UBXN2A: variants seen among roughly 807,000 people sequenced by gnomAD.
UBXN2A encodes the protein UBX domain protein 2A.
Under a neutral mutation model 28.4 loss-of-function variants are expected in UBXN2A, and 28 were observed. The ratio of observed to expected loss-of-function variants is 0.99; its 90% confidence interval spans 0.73 to 1.35. The LOEUF is 1.35. UBXN2A is among the 40% of genes most tolerant of loss of function. The pLI, the probability that UBXN2A is intolerant of heterozygous loss-of-function variation, is 0.00. For synonymous variants in UBXN2A, 97 were observed against 103.6 expected, an observed-to-expected ratio of 0.94 and a Z score of 0.39; for missense variants, 253 against 297.9, an observed-to-expected ratio of 0.85 and a Z score of 1.11.
intron 1 of UBXN2A, among the ~76,000 whole-genome samples, chr2:23,953,068 A>G (rs1176150655): frequency 1.3e-5 from 2 of 151,930 alleles, no homozygotes; most frequent in Admixed American, 1.3e-4. Flanking sequence ...ACAGCTTCAA[A>G]TTTATGATTT....
In UBXN2A at chr2:23,981,301, T is replaced by C. The variant is rs546122078; in HGVS notation, c.288-1595T>C. 3.6e-3 allele frequency among the ~76,000 whole-genome samples: 223 copies of C among 62,642 alleles called. 1 individual carries two copies. The highest frequency in any genetic ancestry group is 3.9e-3 in the Non-Finnish European group (122 of 31,202). The allele number at this position is 62,642 out of a possible 152,430, so 41.1% of individuals were successfully genotyped here. A position where few individuals can be genotyped will look rare whatever the true frequency, so the allele number is the denominator to read the frequency against. ...GGCCAACATAGCGAGAACCTGTCTC[T>C]ACAAAAAAAAAAAAAAAAAAACCTA... On this transcript the variant is annotated intron_variant, in intron 4 of 6. Transcript: ENST00000309033.
upstream of UBXN2A, chr2:23,940,364 C>G (rs1705682987): frequency 6.6e-6 from 1 of 151,616 alleles, no homozygotes; most frequent in African/African-American, 2.4e-5. Flanking sequence ...GCCGTTCCCG[C>G]CGGGACTTGA....
chr2:23,936,295 G>A (rs992949642), upstream of UBXN2A, among the ~76,000 whole-genome samples: 1 of 152,078 alleles, frequency 6.6e-6, no homozygotes, highest in Non-Finnish European at 1.5e-5. Flanking sequence ...ACTGACACAT[G>A]CTATAACATG....
chr2:23,958,403 C>G (rs375500818), intron 2 of UBXN2A, 48 bp downstream of exon 2: 3 of 1,519,266 alleles, frequency 2.0e-6, no homozygotes, highest in African/African-American at 2.8e-5. Flanking sequence ...TTGTTAATAT[C>G]GTCCTGTATT....
intron 1 of UBXN2A, among the ~76,000 whole-genome samples, chr2:23,941,561 A>C (rs770463116): frequency 6.6e-6 from 1 of 152,206 alleles, no homozygotes; most frequent in Non-Finnish European, 1.5e-5. Flanking sequence ...ATGGAAGCTC[A>C]CACTTACTGA....
At chr2:23,940,731 C>T (rs1705711067) in intron 1 of UBXN2A, 83 bp downstream of exon 1, 1 of 151,926 alleles carries the variant, frequency 6.6e-6, no homozygotes, top group African/African-American at 2.4e-5. Context: ...CGAGGGGTCG[C>T]GGCCTGTGGC....
In UBXN2A at chr2:23,933,187, A is replaced by T. The variant is rs546392283; in HGVS notation, c.-138+5572A>T. Among the ~76,000 whole-genome samples, 19 of 151,692 alleles carry T rather than the reference A, an allele frequency of 1.3e-4. No homozygotes were observed. The South Asian group carries it at 3.1e-3, about 25-fold the overall frequency. On this transcript the variant is annotated intron_variant, in intron 1 of 7. Transcript: ENST00000404924. ...AGCAAAAAATGACAAAACAAATTTT[A>T]AAATCATGAAATAGATCTAATAAAA... is the stretch of plus-strand genomic sequence containing the variant.
At chr2:23,991,495 G>GTC in intron 6 of UBXN2A, among the ~76,000 whole-genome samples, 1 of 151,928 alleles carries the variant, frequency 6.6e-6, no homozygotes, top group South Asian at 2.1e-4. Context: ...TTGAGATGGA[G>GTC]TCTCTCTCTG....
At chr2:23,963,788 G>A (rs1308263433) in intron 2 of UBXN2A, among the ~76,000 whole-genome samples, 1 of 152,092 alleles carries the variant, frequency 6.6e-6, no homozygotes, top group East Asian at 1.9e-4. Flanking sequence ...TTGCTGAATA[G>A]ATCCAGCAAT....
chr2:24,004,520 G>C lies in UBXN2A; in HGVS notation c.*4653G>C, dbSNP rs568368881. 4 of 152,362 alleles carry C rather than the reference G, an allele frequency of 2.6e-5. No homozygotes were observed. Among genetic ancestry groups the C allele is most frequent in the Admixed American group, 2.6e-4 (4 of 15,298 alleles). The allele number at this position is 152,362 out of a possible 1,614,324, so 9.4% of individuals were successfully genotyped here. A position where few individuals can be genotyped will look rare whatever the true frequency, so the allele number is the denominator to read the frequency against. ...AATACAAAAATTAGCTGGGTGTAGT[G>C]GTGTGCGCCTGTAGTCCCAGCTACT... On this transcript the variant is annotated 3_prime_UTR_variant, in exon 7 of 7. Transcript: ENST00000309033.
chr2:23,956,602 C>G (rs1265600529), intron 1 of UBXN2A, among the ~76,000 whole-genome samples: 1 of 152,128 alleles, frequency 6.6e-6, no homozygotes, highest in Non-Finnish European at 1.5e-5. Flanking sequence ...ATCCACCCTC[C>G]TTGGCCTCCC....
chr2:23,985,781 A>T (rs1708102101), intron 6 of UBXN2A, among the ~76,000 whole-genome samples: 1 of 151,902 alleles, frequency 6.6e-6, no homozygotes, highest in Non-Finnish European at 1.5e-5. Flanking sequence ...GGATCACTTG[A>T]GCTCAGGAGT....
chr2:23,983,833 G>A (rs1050276630), intron 5 of UBXN2A, among the ~76,000 whole-genome samples: 4 of 151,966 alleles, frequency 2.6e-5, no homozygotes, highest in South Asian at 2.1e-4. Flanking sequence ...ACACCACCAC[G>A]CCCAGCCAAT....
At chr2:23,928,192 AGAAAG>A (rs1292461420) in intron 1 of UBXN2A, among the ~76,000 whole-genome samples, 1 of 151,548 alleles carries the variant, frequency 6.6e-6, no homozygotes. Flanking sequence ...AAAAAAAAGA[AGAAAG>A]AGAGAGAGAA....
intron 4 of UBXN2A, among the ~76,000 whole-genome samples, chr2:23,978,696 GC>G (rs1380287378): frequency 2.6e-5 from 4 of 151,710 alleles, no homozygotes; most frequent in Admixed American, 2.0e-4. Flanking sequence ...GGGCACGGGG[GC>G]TTACGCCTGT....
At chr2:23,931,431 G>A (rs1400173771) in intron 1 of UBXN2A, among the ~76,000 whole-genome samples, 1 of 152,174 alleles carries the variant, frequency 6.6e-6, no homozygotes, top group Admixed American at 6.5e-5. Context: ...GGGCAACAGA[G>A]TGAGACCCTG....
chr2:23,956,066 G>A (rs1407294482), intron 1 of UBXN2A, among the ~76,000 whole-genome samples: 2 of 152,032 alleles, frequency 1.3e-5, no homozygotes, highest in Non-Finnish European at 2.9e-5. Flanking sequence ...GTTTTGCCAT[G>A]TTGGACAGGC....
intron 6 of UBXN2A, among the ~76,000 whole-genome samples, chr2:23,990,148 C>G (rs1403991885): frequency 1.3e-5 from 2 of 151,772 alleles, no homozygotes; most frequent in Non-Finnish European, 2.9e-5. Context: ...CTGCTAGGCT[C>G]TCTGACACAT....
At chr2:23,941,220 C>A (rs1705740966) in intron 1 of UBXN2A, among the ~76,000 whole-genome samples, 1 of 151,958 alleles carries the variant, frequency 6.6e-6, no homozygotes, top group Non-Finnish European at 1.5e-5. Context: ...GCGTTGAGTT[C>A]CTATGTACGT....
Sources: allele counts gnomAD v4.1 joint callset (sites outside exome capture counted in the v4.1 genomes callset), GRCh38; gene constraint gnomAD v4.1.1; transcripts MANE v1.5; gene names NCBI Gene and HGNC (gene_info 2026-07-23, HGNC 2026-07-21).